OSBPL1A: variants seen among roughly 807,000 people sequenced by gnomAD.
OSBPL1A encodes oxysterol-binding protein-related protein 1.
A neutral mutation model predicts 137.1 loss-of-function variants in OSBPL1A; 80 were observed. That is an observed-to-expected ratio of 0.58 (90% CI 0.49 to 0.70). The LOEUF (loss-of-function observed/expected upper bound fraction) is 0.70. OSBPL1A is among the 30% of genes least tolerant of loss of function. The pLI, the probability that OSBPL1A is intolerant of heterozygous loss-of-function variation, is 0.00. For missense variants in OSBPL1A, 970 were observed against 1,129.4 expected (o/e 0.86, Z 2.02); for synonymous variants, 365 against 389.7 (o/e 0.94, Z 0.75).
intron 7 of OSBPL1A, among the ~76,000 whole-genome samples, chr18:24,323,066 A>G (rs1457348097): frequency 6.6e-6 from 1 of 152,236 alleles, no homozygotes; most frequent in Non-Finnish European, 1.5e-5. Context: ...GAAGAGCCTC[A>G]GAAAATTATT....
At chr18:24,386,784 A>G (rs968779474) in intron 1 of OSBPL1A, among the ~76,000 whole-genome samples, 6 of 151,880 alleles carry the variant, frequency 4.0e-5, no homozygotes, top group Non-Finnish European at 5.9e-5. Flanking sequence ...ACCTATCAAG[A>G]CCCCATCTTT....
At chr18:24,326,750 AC>A (rs1336086093) in intron 7 of OSBPL1A, among the ~76,000 whole-genome samples, 1 of 152,196 alleles carries the variant, frequency 6.6e-6, no homozygotes, top group African/African-American at 2.4e-5. Flanking sequence ...GTAATGTATA[AC>A]TTTTCTTTTG....
rs2090616839 is a variant in OSBPL1A at position 24,311,318 on chromosome 18, C to A, written c.1092+666G>T. On this transcript the variant is annotated intron_variant, in intron 13 of 27. Coordinates refer to ENST00000319481, the MANE Select transcript of OSBPL1A (RefSeq NM_080597.4). ...ATTCATATATCCTGACGTAATTATT[C>A]AGACTGAAACTCATCATCATTCCAT... The A allele has an allele frequency of 1.5e-5, 4 of 274,800 alleles. No individual in the cohort carries two copies. In the South Asian group the frequency reaches 5.6e-4, roughly 38 times the overall value. The allele number at this position is 274,800 out of a possible 1,614,324, so 17.0% of individuals were successfully genotyped here.
At position 24,227,973 on chromosome 18, in the gene OSBPL1A, C is replaced by G. The variant is rs149443681; in HGVS notation, c.1445-2775G>C. Among the ~76,000 whole-genome samples, 426 of 152,248 alleles carry G rather than the reference C, an allele frequency of 2.8e-3. 3 individuals are homozygous for G. The highest frequency in any genetic ancestry group is 9.7e-3 in the African/African-American group (401 of 41,550). ...ATCAATCATAAGGCAGGGACTTACCCACCTAAAAAGAATTTTTTTTAGCAA... is the reference window on the plus strand; with the variant it reads ...ATCAATCATAAGGCAGGGACTTACCGACCTAAAAAGAATTTTTTTTAGCAA... On this transcript the variant is annotated intron_variant, in intron 16 of 27. Coordinates refer to ENST00000319481, the MANE Select transcript of OSBPL1A (RefSeq NM_080597.4).
intron 5 of OSBPL1A, among the ~76,000 whole-genome samples, chr18:24,339,608 G>T (rs2091240007): frequency 6.6e-6 from 1 of 152,154 alleles, no homozygotes; most frequent in South Asian, 2.1e-4. Flanking sequence ...ATTCCAGTCT[G>T]TCAGGAAAAC....
At chr18:24,328,218 A>ATTTTTTTTT (rs564798076) in intron 7 of OSBPL1A, among the ~76,000 whole-genome samples, 48 of 48,600 alleles carry the variant, frequency 9.9e-4, no homozygotes, top group African/African-American at 1.4e-3. Flanking sequence ...AATTTTTTGT[A>ATTTTTTTTT]TTTTTTTTTT....
chr18:24,287,912 A>C (rs934955148), intron 14 of OSBPL1A, among the ~76,000 whole-genome samples: 1 of 152,250 alleles, frequency 6.6e-6, no homozygotes, highest in African/African-American at 2.4e-5. Flanking sequence ...TGCCTGAAAG[A>C]AAGCTTGGAC....
intron 14 of OSBPL1A, among the ~76,000 whole-genome samples, chr18:24,300,170 A>C (rs940872996): frequency 6.6e-6 from 1 of 152,232 alleles, no homozygotes; most frequent in African/African-American, 2.4e-5. Flanking sequence ...AGAAACTCTG[A>C]TATTCATTCA....
intron 24 of OSBPL1A, among the ~76,000 whole-genome samples, chr18:24,168,740 G>A (rs147252885): frequency 4.3e-4 from 65 of 152,270 alleles, no homozygotes; most frequent in Admixed American, 1.5e-3. Flanking sequence ...GTTCAGGAAC[G>A]TCAGAAATCC....
intron 15 of OSBPL1A, chr18:24,272,255 CTTT>C (rs1213099871): frequency 7.7e-5 from 73 of 944,220 alleles, no homozygotes; most frequent in Middle Eastern, 5.5e-4. Flanking sequence ...TTTCTTTTTT[CTTT>C]TTTTTTTTTT....
chr18:24,380,838 GCTA>G (rs762319207), intron 1 of OSBPL1A, among the ~76,000 whole-genome samples: 10 of 151,926 alleles, frequency 6.6e-5, no homozygotes, highest in Non-Finnish European at 1.3e-4. Flanking sequence ...TGTAATCCCA[GCTA>G]CTTGGGAGGC....
rs547518738 is a variant in OSBPL1A at position 24,195,285 on chromosome 18, G to A, written c.1677+840C>T. Among the ~76,000 whole-genome samples, 6 of 152,000 alleles carry A rather than the reference G, an allele frequency of 3.9e-5. No individual in the cohort carries two copies. The East Asian group carries it at 1.2e-3, about 29-fold the overall frequency. ...CACTTCACTCCAGTCTGGGTAATGA[G>A]CCCCTGTCTCAAAAAAATGAAAAGA... On this transcript the variant is annotated intron_variant, in intron 18 of 27. Transcript: ENST00000319481.
intron 16 of OSBPL1A, among the ~76,000 whole-genome samples, chr18:24,230,457 C>G (rs1019962622): frequency 1.3e-5 from 2 of 152,120 alleles, no homozygotes; most frequent in African/African-American, 4.8e-5. Flanking sequence ...CAAACAAAAA[C>G]CAGGCAAACA....
At chr18:24,242,986 T>C (rs971842141) in intron 15 of OSBPL1A, among the ~76,000 whole-genome samples, 35 of 152,238 alleles carry the variant, frequency 2.3e-4, no homozygotes, top group African/African-American at 8.2e-4. Context: ...TTCTCTATTA[T>C]ATAAACAAGG....
intron 15 of OSBPL1A, among the ~76,000 whole-genome samples, chr18:24,251,648 T>C (rs541636709): frequency 6.6e-6 from 1 of 152,124 alleles, no homozygotes; most frequent in South Asian, 2.1e-4. Flanking sequence ...AATACCTAAC[T>C]CTTCAATGCC....
chr18:24,391,239 A>G (rs2144285042), intron 1 of OSBPL1A, among the ~76,000 whole-genome samples: 1 of 152,352 alleles, frequency 6.6e-6, no homozygotes, highest in African/African-American at 2.4e-5. Context: ...AAAATAGTCA[A>G]AGTCATACAG....
chr18:24,342,785 T>C (rs370462840), intron 4 of OSBPL1A, among the ~76,000 whole-genome samples: 139 of 152,310 alleles, frequency 9.1e-4, no homozygotes, highest in African/African-American at 3.2e-3. Context: ...AACATGATTT[T>C]ACTTACATGC....
intron 7 of OSBPL1A, among the ~76,000 whole-genome samples, chr18:24,329,928 T>C (rs915774880): frequency 4.6e-5 from 7 of 152,178 alleles, no homozygotes; most frequent in Admixed American, 4.6e-4. Flanking sequence ...AAATTTTAAA[T>C]TGAATGTATT....
chr18:24,272,082 C>A, intron 15 of OSBPL1A: 1 of 982,448 alleles, frequency 1.0e-6, no homozygotes, highest in Non-Finnish European at 1.2e-6. Flanking sequence ...CGGGCGGAGG[C>A]GCAGGTAGGG....
Sources: allele counts gnomAD v4.1 joint callset (sites outside exome capture counted in the v4.1 genomes callset), GRCh38; gene constraint gnomAD v4.1.1; transcripts MANE v1.5; gene names NCBI Gene and HGNC (gene_info 2026-07-23, HGNC 2026-07-21).